OCA2: variants seen among roughly 807,000 people sequenced by gnomAD.
The protein encoded by OCA2 is P protein.
OCA2 carries 77 observed loss-of-function variants against 100.2 expected under a neutral mutation model. The observed-to-expected ratio is 0.77, with a 90% CI of 0.64 to 0.93. The LOEUF is 0.93. Ranked by LOEUF, OCA2 falls within the 40% of genes least tolerant of loss-of-function variation. OCA2 has a pLI of 0.00. For missense variants in OCA2, 1,062 were observed against 1,089.1 expected, an observed-to-expected ratio of 0.98 and a Z score of 0.35; for synonymous variants, 432 against 439.2, an observed-to-expected ratio of 0.98 and a Z score of 0.21.
At chr15:27,756,678 T>G (rs1470038953) in intron 23 of OCA2, among the ~76,000 whole-genome samples, 2 of 152,192 alleles carry the variant, frequency 1.3e-5, no homozygotes, top group African/African-American at 4.8e-5. Flanking sequence ...CAAGCCTTCA[T>G]GGAAGCACAA....
chr15:27,929,005 G>A (rs2703966), intron 18 of OCA2, among the ~76,000 whole-genome samples: 91,088 of 151,980 alleles, frequency 0.6, 28,158 homozygotes, highest in East Asian at 0.96. Flanking sequence ...TTAATTTGGG[G>A]AAAATTAACA....
chr15:27,746,533 A>C, the OCA2 span, among the ~76,000 whole-genome samples: 2 of 152,190 alleles, frequency 1.3e-5, no homozygotes, highest in African/African-American at 2.4e-5. Flanking sequence ...AACTAGAAAG[A>C]AAAACAATCC....
chr15:27,901,461 A>G (rs2037928933), intron 19 of OCA2, among the ~76,000 whole-genome samples: 1 of 152,100 alleles, frequency 6.6e-6, no homozygotes, highest in Non-Finnish European at 1.5e-5. Context: ...AGGCCACTAG[A>G]GCTCCCATCT....
intron 2 of OCA2, among the ~76,000 whole-genome samples, chr15:28,034,415 C>T (rs1287198690): frequency 6.6e-6 from 1 of 152,194 alleles, no homozygotes; most frequent in African/African-American, 2.4e-5. Context: ...AGAATGGCTG[C>T]CATGTTTTCA....
At chr15:28,004,725 T>C in intron 9 of OCA2, among the ~76,000 whole-genome samples, 1 of 150,374 alleles carries the variant, frequency 6.7e-6, no homozygotes, top group Middle Eastern at 3.2e-3. Flanking sequence ...CACAACAGAG[T>C]CACACTCTCA....
chr15:27,752,461 C>T (rs2030097152), downstream of OCA2, among the ~76,000 whole-genome samples: 1 of 152,316 alleles, frequency 6.6e-6, no homozygotes, highest in East Asian at 1.9e-4. Context: ...TGGAAAAGCT[C>T]ATGGCACTTT....
intron 14 of OCA2, among the ~76,000 whole-genome samples, chr15:27,973,154 G>A (rs913133462): frequency 2.0e-5 from 3 of 152,110 alleles, no homozygotes; most frequent in African/African-American, 7.2e-5. Flanking sequence ...ACAGGCGTGA[G>A]CCACCATGCC....
rs1305428994 is a variant in OCA2, at chr15:27,957,629, T to G, written c.1743A>C (p.Ala581=). 6.2e-6 allele frequency: 10 copies of G among 1,612,870 alleles called. No homozygotes were observed. The highest frequency in any genetic ancestry group is 8.5e-6 in the Non-Finnish European group (10 of 1,179,974). Residue 581 remains alanine (A), a synonymous_variant, in exon 16 of 24, where the codon GCA becomes GCC. Coordinates refer to ENST00000354638, the MANE Select transcript of OCA2 (RefSeq NM_000275.3). The surrounding 1 kb of genome is among the most constrained non-coding windows in gnomAD (Gnocchi z 4.3). ...GCCTCCGGGCGAGCAGGTGCTCCAG[T>G]GCCAGCACCTTCCCCAGCAGCAGGC... The part of the protein sequence containing the change: ...VRRLLLGKVL[A]LEHLLARRLH...
chr15:27,971,400 C>T (rs936373628), intron 14 of OCA2, among the ~76,000 whole-genome samples: 2 of 152,124 alleles, frequency 1.3e-5, no homozygotes, highest in African/African-American at 2.4e-5. Flanking sequence ...CTCTGTAGAA[C>T]AGGCATAAAG....
chr15:27,955,512 A>G (rs529763137), intron 16 of OCA2, among the ~76,000 whole-genome samples: 76 of 152,226 alleles, frequency 5.0e-4, no homozygotes, highest in Non-Finnish European at 8.7e-4. Flanking sequence ...CAGTGCGTGG[A>G]GGAGGGCAGC....
At chr15:27,722,214 C>A in the OCA2 span, among the ~76,000 whole-genome samples, 1,218 of 152,278 alleles carry the variant, frequency 8.0e-3, 16 homozygotes, top group African/African-American at 0.027. Flanking sequence ...TAGACCGGGT[C>A]GTGTATTCTA....
intron 21 of OCA2, among the ~76,000 whole-genome samples, chr15:27,870,810 A>AAGAAAGAAAGAAAGAAAGAAAG (rs372518302): frequency 5.7e-5 from 5 of 88,248 alleles, no homozygotes; most frequent in African/African-American, 1.4e-4. Flanking sequence ...GAAAGAAAGA[A>AAGAAAGAAAGAAAGAAAGAAAG]AGAGAGAGAG....
intron 23 of OCA2, among the ~76,000 whole-genome samples, chr15:27,764,350 A>T (rs1407185044): frequency 6.6e-6 from 1 of 151,868 alleles, no homozygotes; most frequent in Non-Finnish European, 1.5e-5. Context: ...AAAGAATAAC[A>T]CTCACACTGA....
rs1452934825 is a variant in OCA2 at position 27,957,755 on chromosome 15, A to G, written c.1637-20T>C. 1 of 1,612,980 alleles carries G rather than the reference A, an allele frequency of 6.2e-7. No homozygotes were observed. The highest frequency in any genetic ancestry group is 8.5e-7 in the Non-Finnish European group (1 of 1,179,984). On this transcript the variant is annotated intron_variant, in intron 15 of 23. Coordinates refer to ENST00000354638, the MANE Select transcript of OCA2 (RefSeq NM_000275.3). This position sits in a 1 kb window ranked among gnomAD's most constrained non-coding sequence, Gnocchi z 4.3. ...TCAGTTCTGCAGAGAAAGGAAGGCG[A>G]AGCTTGGGTCTCCCATGACCTCAGA...
At chr15:27,926,332 T>TCTGGTGTGTGAGTCAG in intron 18 of OCA2, 78 bp from the exon 19 acceptor site, 1 of 1,483,278 alleles carries the variant, frequency 6.7e-7, no homozygotes, top group Non-Finnish European at 9.4e-7. Flanking sequence ...TCTGGTTGCC[T>TCTGGTGTGTGAGTCAG]TTTTCTTTAT....
intron 19 of OCA2, among the ~76,000 whole-genome samples, chr15:27,882,240 A>G (rs1474656913): frequency 6.6e-6 from 1 of 152,164 alleles, no homozygotes; most frequent in Non-Finnish European, 1.5e-5. Flanking sequence ...GAGCTCTGGC[A>G]ATGTAAAAAA....
At chr15:28,022,863 G>A (rs1259462390) in intron 5 of OCA2, among the ~76,000 whole-genome samples, 1 of 152,206 alleles carries the variant, frequency 6.6e-6, no homozygotes, top group African/African-American at 2.4e-5. Context: ...TCACAATGGA[G>A]AATAAAGGCA....
intron 2 of OCA2, among the ~76,000 whole-genome samples, chr15:28,072,873 C>T (rs2044309451): frequency 6.6e-6 from 1 of 152,192 alleles, no homozygotes; most frequent in African/African-American, 2.4e-5. Flanking sequence ...AGCCCAGCTA[C>T]TGTGGAAAGC....
In OCA2 at chr15:27,961,807, G is replaced by A. The variant is rs182648460; in HGVS notation, c.1637-4072C>T. Among the ~76,000 whole-genome samples the A allele has an allele frequency of 3.8e-3, 579 of 152,144 alleles. 2 individuals are homozygous for A. The highest frequency in any genetic ancestry group is 0.012 in the South Asian group (59 of 4,804). ...ACACCGGGGGCTGTCGGAGGGTTGG[G>A]GGCTAGGGGAGGGATAGCATTAGGA... On this transcript the variant is annotated intron_variant, in intron 15 of 23. Coordinates refer to ENST00000354638, the MANE Select transcript of OCA2 (RefSeq NM_000275.3).
Sources: gnomAD v4.1 joint callset for allele counts (sites outside exome capture counted in the v4.1 genomes callset) on GRCh38, gnomAD v4.1.1 for gene constraint, Gnocchi (gnomAD v3.1) non-coding constraint, MANE v1.5 for transcripts, NCBI Gene and HGNC (gene_info 2026-07-23, HGNC 2026-07-21) for gene names.